Variants in PJA2 observed in about 807,000 individuals in gnomAD.
PJA2 encodes praja ring finger ubiquitin ligase 2.
A neutral mutation model predicts 69.3 loss-of-function variants in PJA2; 25 were observed. The observed-to-expected ratio is 0.36, with a 90% CI of 0.26 to 0.50. The LOEUF (loss-of-function observed/expected upper bound fraction) is 0.50, where lower values mean the gene tolerates loss of function less well. PJA2 is among the 20% of genes least tolerant of loss of function. The probability of loss-of-function intolerance (pLI) is 0.96; values close to 1 mark genes in which losing one functional copy is unlikely to be tolerated. For synonymous variants in PJA2, 308 were observed against 277.8 expected, an observed-to-expected ratio of 1.11 and a Z score of -1.08; for missense variants, 809 against 830.2, an observed-to-expected ratio of 0.97 and a Z score of 0.31.
chr5:109,386,575 C>T (rs1376654304), intron 1 of PJA2, among the ~76,000 whole-genome samples: 1 of 152,170 alleles, frequency 6.6e-6, no homozygotes, highest in African/African-American at 2.4e-5. Context: ...TAATCAGCTA[C>T]TTCTGTGGAA....
In PJA2 at chr5:109,342,700, TG is replaced by T. The variant is rs1208256467; in HGVS notation, c.2001+1489del. ...CCAGCCGCCCCGTCCGGGAGGGAGG[TG>T]GGGGGAGTCAGCCCCCCCGCCCGGC... On this transcript the variant is annotated intron_variant, in intron 9 of 9. Coordinates refer to ENST00000361189, the MANE Select transcript of PJA2 (RefSeq NM_014819.5). Among the ~76,000 whole-genome samples the T allele has an allele frequency of 6.1e-5, 6 of 97,604 alleles. No individual in the cohort carries two copies. The East Asian group carries it at 1.3e-3, about 21-fold the overall frequency. The allele number at this position is 97,604 out of a possible 152,430, so 64.0% of individuals were successfully genotyped here.
Position 109,400,831 on chromosome 5 carries a change from A to C in PJA2, c.-88+9011T>G, listed in dbSNP as rs552686594. On this transcript the variant is annotated intron_variant, in intron 1 of 9. Transcript: ENST00000361189. ...CGTCTCTACTAAAAAAATACAAAAA[A>C]AATTAGCCAGGCATGGTTGCGGGTG... 3.3e-5 allele frequency among the ~76,000 whole-genome samples: 5 copies of C among 152,002 alleles called. No individual in the cohort carries two copies. In the East Asian group the frequency reaches 9.7e-4, roughly 30 times the overall value.
At chr5:109,369,018 C>T (rs1006192231) in intron 4 of PJA2, among the ~76,000 whole-genome samples, 1 of 152,060 alleles carries the variant, frequency 6.6e-6, no homozygotes, top group Non-Finnish European at 1.5e-5. Flanking sequence ...CACCTCCCCC[C>T]TCATTCTTTC....
intron 2 of PJA2, among the ~76,000 whole-genome samples, chr5:109,382,493 A>C (rs1747073035): frequency 1.3e-5 from 2 of 152,208 alleles, no homozygotes; most frequent in African/African-American, 4.8e-5. Flanking sequence ...TCAATTATAC[A>C]TTACATGTAC....
chr5:109,344,614 A>G, intron 8 of PJA2, 91 bp downstream of exon 8: 1 of 868,650 alleles, frequency 1.2e-6, no homozygotes, highest in South Asian at 2.3e-5. Flanking sequence ...GAAAGTTTCT[A>G]ATAATCAAGT....
intron 7 of PJA2, among the ~76,000 whole-genome samples, chr5:109,354,130 A>C (rs1156290230): frequency 3.5e-5 from 4 of 114,652 alleles, no homozygotes; most frequent in Admixed American, 8.6e-5. Flanking sequence ...TATGGTATCT[A>C]GAGCTGTCTA....
chr5:109,339,307 C>T (rs1383561423), intron 9 of PJA2, among the ~76,000 whole-genome samples: 1 of 151,906 alleles, frequency 6.6e-6, no homozygotes, highest in Non-Finnish European at 1.5e-5. Flanking sequence ...TAGGAAGAGG[C>T]GAAGATGATG....
chr5:109,373,233 T>A (rs930901042), intron 4 of PJA2, among the ~76,000 whole-genome samples: 3 of 151,782 alleles, frequency 2.0e-5, no homozygotes, highest in Admixed American at 1.3e-4. Context: ...AACAGGCAAA[T>A]AACAGAGCAA....
At chr5:109,372,923 A>AAAAAAAAAAAAAG (rs1272538036) in intron 4 of PJA2, among the ~76,000 whole-genome samples, 2 of 136,782 alleles carry the variant, frequency 1.5e-5, no homozygotes, top group Non-Finnish European at 3.1e-5. Flanking sequence ...AAAAAAAAAA[A>AAAAAAAAAAAAAG]AAAGAAAGAA....
At chr5:109,397,449 C>A (rs1747438818) in intron 1 of PJA2, among the ~76,000 whole-genome samples, 3 of 152,000 alleles carry the variant, frequency 2.0e-5, no homozygotes. Flanking sequence ...GGACTGACTG[C>A]CAACAAGGGA....
intron 6 of PJA2, among the ~76,000 whole-genome samples, chr5:109,360,771 A>G (rs1364601513): frequency 2.6e-5 from 4 of 152,200 alleles, no homozygotes; most frequent in Non-Finnish European, 5.9e-5. Context: ...CACAACAGCC[A>G]TATCTAGAAA....
intron 1 of PJA2, among the ~76,000 whole-genome samples, chr5:109,398,574 C>G: frequency 7.3e-6 from 1 of 136,496 alleles, no homozygotes. Context: ...TAGGTGGGAA[C>G]TGAACAAGGA....
chr5:109,380,292 A>C (rs901220049), intron 3 of PJA2, among the ~76,000 whole-genome samples: 1 of 152,054 alleles, frequency 6.6e-6, no homozygotes, highest in Non-Finnish European at 1.5e-5. Context: ...TATGACAGCA[A>C]AAATAATCTA....
chr5:109,370,050 A>G lies in PJA2; in HGVS notation c.1284-1304T>C, dbSNP rs576630920. ...TCCCTCTCAAAAAAAAAAAAAAAAA[A>G]AAAAAGCAGCACAGAAAATTACTTT... On this transcript the variant is annotated intron_variant, in intron 4 of 9. Coordinates refer to ENST00000361189, the MANE Select transcript of PJA2 (RefSeq NM_014819.5). 4.8e-4 allele frequency among the ~76,000 whole-genome samples: 73 copies of G among 151,836 alleles called. 1 individual carries two copies. In the East Asian group the frequency reaches 9.9e-3, roughly 21 times the overall value.
intron 1 of PJA2, among the ~76,000 whole-genome samples, chr5:109,405,121 A>G (rs1427109248): frequency 2.6e-5 from 4 of 152,246 alleles, no homozygotes; most frequent in African/African-American, 9.6e-5. Flanking sequence ...ATATGCAAAA[A>G]CCAACTGTAT....
At chr5:109,382,826 T>A (rs1386525522) in intron 2 of PJA2, among the ~76,000 whole-genome samples, 3 of 147,510 alleles carry the variant, frequency 2.0e-5, no homozygotes, top group Admixed American at 1.4e-4. Context: ...CCAGCTTGGG[T>A]GACAGTTCGA....
rs541000550 is a variant in PJA2 at position 109,353,270 on chromosome 5, TATA to T, written c.1764+2642_1764+2644del. 3.9e-3 allele frequency among the ~76,000 whole-genome samples: 539 copies of T among 139,912 alleles called. 26 individuals carry two copies. Among genetic ancestry groups the T allele is most frequent in the African/African-American group, 0.013 (480 of 38,042 alleles). The allele number at this position is 139,912 out of a possible 152,430, so 91.8% of individuals were successfully genotyped here. A position where few individuals can be genotyped will look rare whatever the true frequency, so the allele number is the denominator to read the frequency against. On this transcript the variant is annotated intron_variant, in intron 7 of 9. Coordinates refer to ENST00000361189, the MANE Select transcript of PJA2 (RefSeq NM_014819.5). ...TATAGATATCTATATATTAGATACCTATAATATCATAGACATCTATATATTAGA... is the reference window on the plus strand; with the variant it reads ...TATAGATATCTATATATTAGATACCTATATCATAGACATCTATATATTAGA...
intron 1 of PJA2, among the ~76,000 whole-genome samples, chr5:109,392,344 G>A (rs185508146): frequency 0.077 from 4,608 of 60,194 alleles, 94 homozygotes; most frequent in Middle Eastern, 0.23. Flanking sequence ...GTGGATCACT[G>A]GAGGCCAGGA....
chr5:109,347,220 C>T (rs144265788), intron 7 of PJA2, among the ~76,000 whole-genome samples: 18 of 152,386 alleles, frequency 1.2e-4, no homozygotes, highest in Non-Finnish European at 2.4e-4. Context: ...TGCTTCTCAG[C>T]TCCAAATACA....
Sources: gnomAD v4.1 joint callset for allele counts (sites outside exome capture counted in the v4.1 genomes callset) on GRCh38, gnomAD v4.1.1 for gene constraint, MANE v1.5 for transcripts, NCBI Gene and HGNC (gene_info 2026-07-23, HGNC 2026-07-21) for gene names.